The following ANKRD45 variants were observed in gnomAD, a reference collection of about 807,000 sequenced individuals.
ANKRD45 encodes ankyrin repeat domain-containing protein 45.
In ANKRD45, 21 loss-of-function variants were observed where a neutral mutation model predicts 28.1. That is an observed-to-expected ratio of 0.75 (90% CI 0.53 to 1.08). The LOEUF is 1.08. Ranked by LOEUF, ANKRD45 falls within the 50% of genes least tolerant of loss-of-function variation. The pLI is 0.00. For synonymous variants in ANKRD45, 86 were observed against 103.9 expected (o/e 0.83, Z 1.05); for missense variants, 261 against 308.7 (o/e 0.85, Z 1.16).
rs764620968 is a variant in ANKRD45, at chr1:173,659,145, C to T, written c.274G>A (p.Val92Met). The T allele has an allele frequency of 8.7e-6, 14 of 1,614,012 alleles. No homozygotes were observed. The highest frequency in any genetic ancestry group is 1.1e-5 in the South Asian group (1 of 91,082). Residue 92 changes from valine to methionine, a missense_variant, in exon 2 of 6, where the codon GTG becomes ATG. Physicochemically the swap from Val to Met is conservative, Grantham distance 21. Coordinates refer to ENST00000333279, the MANE Select transcript of ANKRD45 (RefSeq NM_198493.3). ...YAACMAGQSD[V>M]IRALAKYGVN... is the part of the protein sequence containing the mutation. The stretch of plus-strand genomic sequence containing the variant: ...CCATATTTTGCCAAAGCTCTAATCA[C>T]GTCACTTTGCCCAGCCATGCAAGCT...
At chr1:173,669,922 G>A (rs1324349507), upstream of ANKRD45, 1 of 169,488 alleles carries the variant, frequency 5.9e-6, no homozygotes, top group East Asian at 1.9e-4. Flanking sequence ...GTTATTCTTG[G>A]TTGCAAAGGC....
intron 3 of ANKRD45, 44 bp downstream of exon 3, chr1:173,646,802 T>TCATCA: frequency 6.3e-7 from 1 of 1,582,234 alleles, no homozygotes; most frequent in East Asian, 2.3e-5. Flanking sequence ...GGAGAAAAAC[T>TCATCA]CATCACATCA....
intron 2 of ANKRD45, among the ~76,000 whole-genome samples, chr1:173,648,663 A>G (rs960340052): frequency 2.0e-5 from 3 of 152,216 alleles, no homozygotes; most frequent in Non-Finnish European, 4.4e-5. Flanking sequence ...AGAATATTTT[A>G]GAGTGTATCA....
the ANKRD45 span, among the ~76,000 whole-genome samples, chr1:173,682,684 T>TAC: frequency 0.032 from 4,631 of 143,972 alleles, 106 homozygotes; most frequent in Non-Finnish European, 0.041. Context: ...GCCTTTTAAA[T>TAC]ACACACACAC....
chr1:173,713,464 C>A, the ANKRD45 span, among the ~76,000 whole-genome samples: 8 of 152,292 alleles, frequency 5.3e-5, no homozygotes, highest in South Asian at 1.7e-3. Flanking sequence ...GAGAGACCAC[C>A]AGACAACGGG....
intron 3 of ANKRD45, among the ~76,000 whole-genome samples, chr1:173,641,323 C>T (rs983663162): frequency 6.6e-6 from 1 of 152,198 alleles, no homozygotes. Context: ...GTTGACCAAG[C>T]ATGGACTGTA....
At chr1:173,693,016 G>T in the ANKRD45 span, among the ~76,000 whole-genome samples, 1 of 152,112 alleles carries the variant, frequency 6.6e-6, no homozygotes, top group Non-Finnish European at 1.5e-5. Flanking sequence ...CGGTCATGGT[G>T]GCTCACACCT....
Position 173,610,188 on chromosome 1 carries a change from G to A in ANKRD45, c.758C>T (p.Thr253Ile), listed in dbSNP as rs374223640. The change falls in exon 6 of 6, where the codon ACA becomes ATA. Residue 253 changes from threonine (T) to isoleucine (I), a missense_variant. Coordinates refer to ENST00000333279, the MANE Select transcript of ANKRD45 (RefSeq NM_198493.3). ...PCQVKSAKSV[T>I]SHDQKRSQDD... ...TTGACTTCTCTTCTGGTCATGGCTT[G>A]TTACAGATTTGGCACTTTTCACTTG... is the stretch of plus-strand genomic sequence containing the variant. 3.8e-5 allele frequency: 62 copies of A among 1,614,028 alleles called. No homozygotes were observed. The highest frequency in any genetic ancestry group is 4.6e-5 in the Non-Finnish European group (54 of 1,180,016).
At chr1:173,693,214 A>G in the ANKRD45 span, among the ~76,000 whole-genome samples, 1 of 152,014 alleles carries the variant, frequency 6.6e-6, no homozygotes, top group Non-Finnish European at 1.5e-5. Context: ...GCAGGAGAAT[A>G]GCTGGAACCT....
chr1:173,693,593 T>C, the ANKRD45 span, among the ~76,000 whole-genome samples: 1 of 152,224 alleles, frequency 6.6e-6, no homozygotes, highest in Non-Finnish European at 1.5e-5. Context: ...TGTAATGATA[T>C]ACTTTCTTCT....
chr1:173,671,097 A>G (rs530278993), upstream of ANKRD45, among the ~76,000 whole-genome samples: 32 of 152,232 alleles, frequency 2.1e-4, no homozygotes, highest in Middle Eastern at 3.4e-3. Context: ...ATAAGGTTAC[A>G]TCTTGTCTCC....
At chr1:173,623,658 G>A (rs1456102955) in intron 5 of ANKRD45, among the ~76,000 whole-genome samples, 1 of 152,074 alleles carries the variant, frequency 6.6e-6, no homozygotes, top group Non-Finnish European at 1.5e-5. Flanking sequence ...ATATATGCAT[G>A]TGTATGTTCA....
At chr1:173,677,312 A>G in the ANKRD45 span, among the ~76,000 whole-genome samples, 1 of 152,150 alleles carries the variant, frequency 6.6e-6, no homozygotes, top group African/African-American at 2.4e-5. Flanking sequence ...TAAAATTTTA[A>G]TCTTGATCAT....
intron 5 of ANKRD45, among the ~76,000 whole-genome samples, chr1:173,622,007 CCAA>C (rs1451586847): frequency 6.6e-6 from 1 of 152,056 alleles, no homozygotes; most frequent in East Asian, 1.9e-4. Flanking sequence ...TTTTTATACA[CCAA>C]CAACAGGCAA....
At chr1:173,613,569 C>CCCCCA (rs1553264336) in intron 5 of ANKRD45, among the ~76,000 whole-genome samples, 3 of 130,640 alleles carry the variant, frequency 2.3e-5, no homozygotes, top group African/African-American at 8.5e-5. Context: ...TCAGCCCCCC[C>CCCCCA]CCCGGCCAGC....
chr1:173,709,634 CTTTTT>C, the ANKRD45 span, among the ~76,000 whole-genome samples: 200 of 146,510 alleles, frequency 1.4e-3, no homozygotes, highest in African/African-American at 4.8e-3. Flanking sequence ...TAGATGTTTT[CTTTTT>C]TTTTTTCTTT....
intron 5 of ANKRD45, among the ~76,000 whole-genome samples, chr1:173,616,084 C>T (rs941285079): frequency 4.0e-5 from 6 of 150,142 alleles, no homozygotes; most frequent in Admixed American, 3.3e-4. Flanking sequence ...GCCTGGGCAA[C>T]AGAGTGAGAC....
At chr1:173,624,729 C>T (rs1012776818) in intron 5 of ANKRD45, 58 bp downstream of exon 5, 7 of 1,525,546 alleles carry the variant, frequency 4.6e-6, no homozygotes, top group African/African-American at 1.4e-5. Flanking sequence ...AAAATAACAA[C>T]ATTGAACTTA....
At chr1:173,677,498 C>G in the ANKRD45 span, among the ~76,000 whole-genome samples, 1 of 152,056 alleles carries the variant, frequency 6.6e-6, no homozygotes, top group Non-Finnish European at 1.5e-5. Flanking sequence ...TTAAAATGGG[C>G]CCTTACAATC....
Sources: allele counts gnomAD v4.1 joint callset (sites outside exome capture counted in the v4.1 genomes callset), GRCh38; gene constraint gnomAD v4.1.1; transcripts MANE v1.5; gene names NCBI Gene and HGNC (gene_info 2026-07-23, HGNC 2026-07-21).